Variants in HHAT observed in about 807,000 individuals in gnomAD.
HHAT encodes hedgehog acyltransferase.
HHAT carries 47 observed loss-of-function variants against 70.8 expected under a neutral mutation model. The ratio of observed to expected loss-of-function variants is 0.66; its 90% CI spans 0.53 to 0.85. The LOEUF (loss-of-function observed/expected upper bound fraction) is 0.85. Among genes scored for constraint, HHAT ranks in the 40% least tolerant of loss-of-function variants. HHAT has a pLI of 0.00. For missense variants in HHAT, 609 were observed against 604.8 expected, an observed-to-expected ratio of 1.01 and a Z score of -0.07; for synonymous variants, 228 against 247.6, an observed-to-expected ratio of 0.92 and a Z score of 0.74.
intron 5 of HHAT, among the ~76,000 whole-genome samples, chr1:210,400,918 G>A (rs1326465218): frequency 2.0e-5 from 3 of 152,226 alleles, no homozygotes; most frequent in Non-Finnish European, 4.4e-5. Flanking sequence ...AGGTGGGCAT[G>A]TGGGGTGCCA....
intron 1 of HHAT, among the ~76,000 whole-genome samples, chr1:210,344,944 C>T (rs1220901409): frequency 6.6e-6 from 1 of 151,768 alleles, no homozygotes; most frequent in Non-Finnish European, 1.5e-5. Context: ...GCCTGCACTG[C>T]CTCACCCCAT....
chr1:210,594,367 A>G (rs767912690), intron 10 of HHAT, among the ~76,000 whole-genome samples: 35 of 152,246 alleles, frequency 2.3e-4, no homozygotes, highest in Non-Finnish European at 3.8e-4. Context: ...TAATCTTATC[A>G]CCCATTATTT....
intron 1 of HHAT, among the ~76,000 whole-genome samples, chr1:210,339,716 C>T (rs2085837071): frequency 6.6e-6 from 1 of 152,190 alleles, no homozygotes; most frequent in Non-Finnish European, 1.5e-5. Context: ...ACAGAAGTCA[C>T]ATGAGTGACC....
At chr1:210,641,835 G>C (rs899279049) in intron 11 of HHAT, among the ~76,000 whole-genome samples, 1 of 152,120 alleles carries the variant, frequency 6.6e-6, no homozygotes, top group African/African-American at 2.4e-5. Flanking sequence ...CCATCCAATC[G>C]TAGGCAATGC....
chr1:210,334,177 C>CTTTTTTTTTTTTTTTTTTTTTTTTT (rs1342123521), intron 1 of HHAT, among the ~76,000 whole-genome samples: 2 of 34,546 alleles, frequency 5.8e-5, no homozygotes, highest in Admixed American at 3.5e-4. Context: ...TTTAGCGTGT[C>CTTTTTTTTTTTTTTTTTTTTTTTTT]ATTTTTTTTT....
chr1:210,390,108 T>C (rs1047618268), intron 4 of HHAT, among the ~76,000 whole-genome samples: 4 of 152,022 alleles, frequency 2.6e-5, no homozygotes, highest in African/African-American at 9.7e-5. Flanking sequence ...AATATGTCAG[T>C]CATTGCAATC....
intron 3 of HHAT, among the ~76,000 whole-genome samples, chr1:210,384,854 A>G (rs1331343554): frequency 1.3e-5 from 2 of 152,212 alleles, no homozygotes; most frequent in South Asian, 2.1e-4. Flanking sequence ...CAGTGAGTCA[A>G]TATTTTTCTT....
Position 210,437,900 on chromosome 1 carries a change from A to G in HHAT, c.856+19575A>G, listed in dbSNP as rs555000608. On this transcript the variant is annotated intron_variant, in intron 7 of 11. Coordinates refer to ENST00000261458, the MANE Select transcript of HHAT (RefSeq NM_018194.6). ...ACAGACAAATTGGCCAATGGCATGT[A>G]CCACTTGAAATTCCACCCACTGTGA... 3.3e-5 allele frequency among the ~76,000 whole-genome samples: 5 copies of G among 152,054 alleles called. No homozygotes were observed. The East Asian group carries it at 9.6e-4, about 29-fold the overall frequency.
intron 10 of HHAT, among the ~76,000 whole-genome samples, chr1:210,609,782 A>G (rs896112493): frequency 2.0e-5 from 3 of 152,088 alleles, no homozygotes; most frequent in Non-Finnish European, 4.4e-5. Flanking sequence ...CTGTTCCTGC[A>G]TTAGTTTGCT....
chr1:210,552,512 C>G (rs2095535814), intron 9 of HHAT, among the ~76,000 whole-genome samples: 1 of 152,150 alleles, frequency 6.6e-6, no homozygotes, highest in African/African-American at 2.4e-5. Flanking sequence ...AGGAATTAGG[C>G]AAACAAGATT....
intron 1 of HHAT, among the ~76,000 whole-genome samples, chr1:210,339,999 T>C (rs917442999): frequency 6.6e-6 from 1 of 151,998 alleles, no homozygotes; most frequent in Non-Finnish European, 1.5e-5. Flanking sequence ...TTTGGAGAAG[T>C]GTTTCCTCTT....
chr1:210,330,238 C>T (rs2084870932), intron 1 of HHAT, among the ~76,000 whole-genome samples: 1 of 152,066 alleles, frequency 6.6e-6, no homozygotes, highest in African/African-American at 2.4e-5. Context: ...TTCTCGTTGC[C>T]AGTCAGTCCC....
At chr1:210,563,530 C>T (rs999770896) in intron 9 of HHAT, among the ~76,000 whole-genome samples, 8 of 152,088 alleles carry the variant, frequency 5.3e-5, no homozygotes, top group African/African-American at 1.9e-4. Flanking sequence ...CTTCAGATCC[C>T]CTTCACAAGG....
chr1:210,425,266 G>C (rs971610864), intron 7 of HHAT, among the ~76,000 whole-genome samples: 1 of 152,172 alleles, frequency 6.6e-6, no homozygotes, highest in Non-Finnish European at 1.5e-5. Context: ...CAGATGCATA[G>C]TTTGCAAAAA....
At chr1:210,447,999 T>C (rs990999252) in intron 7 of HHAT, among the ~76,000 whole-genome samples, 7 of 152,062 alleles carry the variant, frequency 4.6e-5, no homozygotes, top group African/African-American at 1.7e-4. Context: ...GCTGCCTCGA[T>C]CAGGGACTCC....
chr1:210,361,170 CG>C (rs1257072496), intron 2 of HHAT, among the ~76,000 whole-genome samples: 1 of 152,204 alleles, frequency 6.6e-6, no homozygotes, highest in Non-Finnish European at 1.5e-5. Flanking sequence ...AAAACAGAAG[CG>C]GGAAGAGGCA....
chr1:210,514,858 C>A (rs2095027842), intron 9 of HHAT, among the ~76,000 whole-genome samples: 1 of 152,198 alleles, frequency 6.6e-6, no homozygotes, highest in South Asian at 2.1e-4. Flanking sequence ...TGTGTTTATC[C>A]CTTGCCAGGC....
chr1:210,393,119 G>A (rs1404632727), intron 4 of HHAT, among the ~76,000 whole-genome samples: 1 of 152,096 alleles, frequency 6.6e-6, no homozygotes, highest in African/African-American at 2.4e-5. Context: ...TGCTTCCACA[G>A]TTGTGCAAGC....
chr1:210,450,300 G>GGT (rs200755815), intron 7 of HHAT, among the ~76,000 whole-genome samples: 142 of 150,614 alleles, frequency 9.4e-4, no homozygotes, highest in Non-Finnish European at 1.9e-3. Context: ...CAGGTGGGGG[G>GGT]GGTGGGAAAC....
Sources: allele counts gnomAD v4.1 joint callset (sites outside exome capture counted in the v4.1 genomes callset), GRCh38; gene constraint gnomAD v4.1.1; transcripts MANE v1.5; gene names NCBI Gene and HGNC (gene_info 2026-07-23, HGNC 2026-07-21).